The following ABHD6 variants were observed in gnomAD, a reference collection of about 807,000 sequenced individuals.
ABHD6 encodes the protein monoacylglycerol lipase ABHD6.
Under a neutral mutation model 38.8 loss-of-function variants are expected in ABHD6, and 33 were observed. The ratio of observed to expected loss-of-function variants is 0.85; its 90% CI spans 0.64 to 1.14. The LOEUF is 1.14. Ranked by LOEUF, ABHD6 falls within the 50% of genes most tolerant of loss-of-function variation. The pLI is 0.00. For synonymous variants in ABHD6, 147 were observed against 161.6 expected (o/e 0.91, Z 0.69); for missense variants, 380 against 422.6 (o/e 0.90, Z 0.88).
chr3:58,243,271 G>T (rs751133861), intron 1 of ABHD6, among the ~76,000 whole-genome samples: 1 of 152,154 alleles, frequency 6.6e-6, no homozygotes, highest in Non-Finnish European at 1.5e-5. Flanking sequence ...AGTATTTCTA[G>T]TTCTCAATCC....
rs893176479 is a variant in ABHD6 at position 58,265,579 on chromosome 3, A to G, written c.120-1610A>G. Among the ~76,000 whole-genome samples, 8 of 152,230 alleles carry G rather than the reference A, an allele frequency of 5.3e-5. No homozygotes were observed. Among genetic ancestry groups the G allele is most frequent in the Non-Finnish European group, 5.9e-5 (4 of 68,040 alleles). On this transcript the variant is annotated intron_variant, in intron 3 of 9. Coordinates refer to ENST00000478253, the MANE Select transcript of ABHD6 (RefSeq NM_001320126.2). This position sits in a 1 kb window ranked among gnomAD's most constrained non-coding sequence, Gnocchi z 4.2. ...TACCTCATCATTTAATCTTTGCCAT[A>G]TTCTTAGTGGAATGCAGCATTTCCT...
intron 9 of ABHD6, among the ~76,000 whole-genome samples, chr3:58,292,051 TG>T (rs1392302742): frequency 6.6e-6 from 1 of 152,254 alleles, no homozygotes; most frequent in African/African-American, 2.4e-5. Context: ...CCACAGTAGC[TG>T]GGTGTTATTC....
chr3:58,282,597 G>A (rs1279506587), intron 7 of ABHD6, among the ~76,000 whole-genome samples: 1 of 152,130 alleles, frequency 6.6e-6, no homozygotes, highest in Admixed American at 6.5e-5. Flanking sequence ...TTAGCCAAGT[G>A]TGGTGGTGCG....
chr3:58,286,691 C>T (rs1026505418), intron 9 of ABHD6, among the ~76,000 whole-genome samples: 6 of 151,096 alleles, frequency 4.0e-5, no homozygotes, highest in South Asian at 4.2e-4. Context: ...TCTAAGCACA[C>T]GTATAGTGTA....
intron 7 of ABHD6, among the ~76,000 whole-genome samples, chr3:58,284,881 A>G (rs2107472549): frequency 6.6e-6 from 1 of 152,254 alleles, no homozygotes; most frequent in Non-Finnish European, 1.5e-5. Context: ...CTTTATAATA[A>G]TAATAATAAT....
intron 7 of ABHD6, among the ~76,000 whole-genome samples, chr3:58,280,967 G>A (rs1039137981): frequency 2.6e-5 from 4 of 152,172 alleles, no homozygotes; most frequent in Non-Finnish European, 5.9e-5. Context: ...TCCTCTGGAA[G>A]CTTTGTCTCA....
At chr3:58,270,405 C>G (rs898332386) in intron 5 of ABHD6, among the ~76,000 whole-genome samples, 2 of 149,434 alleles carry the variant, frequency 1.3e-5, no homozygotes, top group African/African-American at 2.5e-5. Context: ...TGAATAGTTG[C>G]AACAGATCAT....
In ABHD6 at chr3:58,237,879, G is replaced by T. The variant is rs890241533; in HGVS notation, c.-128G>T. The T allele has an allele frequency of 3.3e-5, 5 of 152,402 alleles. No homozygotes were observed. The highest frequency in any genetic ancestry group is 9.7e-5 in the African/African-American group (4 of 41,446). 9.4% of individuals were successfully genotyped at this position (152,402 alleles called of 1,614,324 possible). On this transcript the variant is annotated 5_prime_UTR_variant, in exon 1 of 10. Transcript: ENST00000478253. Reference sequence around the variant, plus strand: ...GCTAGAGACCGAGGGCCGGGGTCCGGGCCCGGCGGCGGGACCCAGGCGGTT... The same window carrying T: ...GCTAGAGACCGAGGGCCGGGGTCCGTGCCCGGCGGCGGGACCCAGGCGGTT...
At position 58,251,584 on chromosome 3, in the gene ABHD6, C is replaced by T. The variant is rs902993838; in HGVS notation, c.-26+1642C>T. 6.6e-6 allele frequency among the ~76,000 whole-genome samples: 1 copy of T among 152,224 alleles called. No homozygotes were observed. The highest frequency in any genetic ancestry group is 1.9e-4 in the East Asian group (1 of 5,172). On this transcript the variant is annotated intron_variant, in intron 2 of 9. Transcript: ENST00000478253. This position sits in a 1 kb window ranked among gnomAD's most constrained non-coding sequence, Gnocchi z 5.4. ...GTTTATCTGGATCCACTGACATGTC[C>T]CCTATCCAATTAATCTTTGCCACTG...
At chr3:58,270,291 C>T (rs1049649352) in intron 5 of ABHD6, among the ~76,000 whole-genome samples, 1 of 152,078 alleles carries the variant, frequency 6.6e-6, no homozygotes, top group African/African-American at 2.4e-5. Context: ...CTATGTTTAG[C>T]TTGTACCTAT....
intron 1 of ABHD6, among the ~76,000 whole-genome samples, chr3:58,243,253 G>T: frequency 6.6e-6 from 1 of 152,138 alleles, no homozygotes; most frequent in East Asian, 1.9e-4. Context: ...GAGATTGCTG[G>T]GTCAAATAGT....
chr3:58,283,765 G>T (rs2097454978), intron 7 of ABHD6, among the ~76,000 whole-genome samples: 1 of 152,178 alleles, frequency 6.6e-6, no homozygotes, highest in South Asian at 2.1e-4. Context: ...ATGCATATGT[G>T]GTTCAGGATG....
intron 1 of ABHD6, among the ~76,000 whole-genome samples, chr3:58,240,437 C>T (rs2097421999): frequency 6.6e-6 from 1 of 151,662 alleles, no homozygotes; most frequent in Non-Finnish European, 1.5e-5. Context: ...TCAATTATTA[C>T]CGTGATGAGT....
At chr3:58,291,715 A>G (rs1391520445) in intron 9 of ABHD6, among the ~76,000 whole-genome samples, 1 of 152,200 alleles carries the variant, frequency 6.6e-6, no homozygotes, top group Non-Finnish European at 1.5e-5. Context: ...TAACCAGCAA[A>G]CAGTGCCAAA....
intron 9 of ABHD6, among the ~76,000 whole-genome samples, chr3:58,289,347 A>G (rs1385305837): frequency 6.6e-6 from 1 of 151,594 alleles, no homozygotes. Context: ...AAGTGAACAA[A>G]GGTCTCTGGT....
At position 58,267,861 on chromosome 3, in the gene ABHD6, C is replaced by T. The variant is rs773116792; in HGVS notation, c.276+516C>T. 1.3e-5 allele frequency among the ~76,000 whole-genome samples: 2 copies of T among 151,928 alleles called. No homozygotes were observed. Among genetic ancestry groups the T allele is most frequent in the Non-Finnish European group, 2.9e-5 (2 of 67,982 alleles). ...TGGGGAGGCCAAGGCAGGCAGATCA[C>T]TTGAGCCCAGGAGTTTGAGACCAGC... is the stretch of plus-strand genomic sequence containing the variant. On this transcript the variant is annotated intron_variant, in intron 4 of 9. Coordinates refer to ENST00000478253, the MANE Select transcript of ABHD6 (RefSeq NM_001320126.2). The surrounding 1 kb of genome is among the most constrained non-coding windows in gnomAD (Gnocchi z 4.3).
At chr3:58,248,360 C>T (rs578255015) in intron 1 of ABHD6, among the ~76,000 whole-genome samples, 6 of 152,238 alleles carry the variant, frequency 3.9e-5, no homozygotes, top group South Asian at 2.1e-4. Context: ...CTTACGCAAA[C>T]GTTTTCACAC....
chr3:58,241,010 G>A lies in ABHD6; in HGVS notation c.-91+3094G>A, dbSNP rs957693377. 1.3e-5 allele frequency among the ~76,000 whole-genome samples: 2 copies of A among 152,138 alleles called. 1 individual carries two copies. The highest frequency in any genetic ancestry group is 1.3e-4 in the Admixed American group (2 of 15,266). Reference sequence around the variant, plus strand: ...CTCCCAAAGTGCTGGGATTGCAGATGTGAGCCACCGCGCCCGGCCAAACCT... The same window carrying A: ...CTCCCAAAGTGCTGGGATTGCAGATATGAGCCACCGCGCCCGGCCAAACCT... On this transcript the variant is annotated intron_variant, in intron 1 of 9. Coordinates refer to ENST00000478253, the MANE Select transcript of ABHD6 (RefSeq NM_001320126.2).
At chr3:58,247,577 T>C (rs1217095191) in intron 1 of ABHD6, among the ~76,000 whole-genome samples, 5 of 152,112 alleles carry the variant, frequency 3.3e-5, no homozygotes, top group African/African-American at 1.2e-4. Context: ...TGTTTTTTTG[T>C]TTTTTGTTTG....
Sources: allele counts gnomAD v4.1 joint callset (sites outside exome capture counted in the v4.1 genomes callset), GRCh38; gene constraint gnomAD v4.1.1; non-coding constraint Gnocchi (gnomAD v3.1); transcripts MANE v1.5; gene names NCBI Gene and HGNC (gene_info 2026-07-23, HGNC 2026-07-21).